Variants in DIP2C observed in about 807,000 individuals in gnomAD.
DIP2C encodes the protein DIP2 acetate--CoA ligase C (putative).
Under a neutral mutation model 192.4 loss-of-function variants are expected in DIP2C, and 33 were observed. That is an observed-to-expected ratio of 0.17 (90% CI 0.13 to 0.23). DIP2C has a LOEUF of 0.23. Among genes scored for constraint, DIP2C ranks in the 10% least tolerant of loss-of-function variants. The pLI is 1.00. For synonymous variants in DIP2C, 979 were observed against 864.1 expected (o/e 1.13, Z -2.33); for missense variants, 1,537 against 2,110.1 (o/e 0.73, Z 5.32).
chr10:368,642 C>T (rs1354214831), intron 18 of DIP2C, among the ~76,000 whole-genome samples: 4 of 152,222 alleles, frequency 2.6e-5, no homozygotes, highest in African/African-American at 9.6e-5. Context: ...AGGGGTCTGC[C>T]TCTGTGAGAC....
chr10:499,665 C>T (rs929758508), intron 1 of DIP2C, among the ~76,000 whole-genome samples: 2 of 152,142 alleles, frequency 1.3e-5, no homozygotes, highest in Non-Finnish European at 2.9e-5. Context: ...CTCCCAATCG[C>T]GAGGACAGCA....
At chr10:589,138 G>A (rs1478778914) in intron 1 of DIP2C, among the ~76,000 whole-genome samples, 2 of 152,148 alleles carry the variant, frequency 1.3e-5, no homozygotes, top group Non-Finnish European at 2.9e-5. Context: ...CCTTCTCGAT[G>A]GAGCACCTGT....
chr10:586,515 CCAGG>C (rs1851038181), intron 1 of DIP2C, among the ~76,000 whole-genome samples: 1 of 152,178 alleles, frequency 6.6e-6, no homozygotes, highest in Non-Finnish European at 1.5e-5. Context: ...GGTAAACCCT[CCAGG>C]CAAACTTTCT....
chr10:311,625 C>T, intron 31 of DIP2C: 2 of 1,193,458 alleles, frequency 1.7e-6, no homozygotes, highest in Admixed American at 4.2e-5. Flanking sequence ...CAACAGAAAC[C>T]AACACACACA....
chr10:369,534 G>C lies in DIP2C; in HGVS notation c.2091C>G (p.Ser697=). 6.3e-7 allele frequency: 1 copy of C among 1,580,578 alleles called. No homozygotes were observed. Among genetic ancestry groups the C allele is most frequent in the South Asian group, 1.2e-5 (1 of 84,666 alleles). ...VIRVDSEEKL[S]VLTVQDVGLV... Reference sequence around the variant, plus strand: ...GGCCGACATCCTGCACGGTGAGCACGGACAGCTTCTCTTCCGAGTCCACAC... The same window carrying C: ...GGCCGACATCCTGCACGGTGAGCACCGACAGCTTCTCTTCCGAGTCCACAC... The change falls in exon 18 of 37, where the codon TCC becomes TCG. Residue 697 remains serine (S), a synonymous_variant. Coordinates refer to ENST00000280886, the MANE Select transcript of DIP2C (RefSeq NM_014974.3).
At chr10:300,899 T>C (rs1404985837) in intron 32 of DIP2C, among the ~76,000 whole-genome samples, 2 of 152,126 alleles carry the variant, frequency 1.3e-5, no homozygotes, top group African/African-American at 2.4e-5. Flanking sequence ...GGCAACTCCT[T>C]CTCCACAGAA....
intron 1 of DIP2C, among the ~76,000 whole-genome samples, chr10:521,986 ACT>A (rs763659839): frequency 6.6e-6 from 1 of 150,904 alleles, no homozygotes; most frequent in Non-Finnish European, 1.5e-5. Flanking sequence ...GCTGCTGCTC[ACT>A]CTGTGGGTTT....
chr10:530,653 T>A (rs1227403372), intron 1 of DIP2C, among the ~76,000 whole-genome samples: 11 of 106,080 alleles, frequency 1.0e-4, no homozygotes, highest in South Asian at 7.1e-4. Context: ...CCCTATCTCT[T>A]AAAAAAAAAA....
intron 1 of DIP2C, among the ~76,000 whole-genome samples, chr10:562,452 T>C (rs1022876688): frequency 6.6e-6 from 1 of 152,238 alleles, no homozygotes; most frequent in African/African-American, 2.4e-5. Context: ...GTCTCCTTCA[T>C]TTGAATCATG....
chr10:569,970 C>G (rs1051898385), intron 1 of DIP2C, among the ~76,000 whole-genome samples: 3 of 152,190 alleles, frequency 2.0e-5, no homozygotes, highest in Admixed American at 2.0e-4. Flanking sequence ...CAGCCTTCCC[C>G]CATGTTTTAG....
intron 1 of DIP2C, among the ~76,000 whole-genome samples, chr10:543,702 G>C (rs112744088): frequency 6.6e-6 from 1 of 152,042 alleles, no homozygotes; most frequent in Non-Finnish European, 1.5e-5. Context: ...AGTCTCTTTC[G>C]CATTCTAAAT....
chr10:393,228 C>A (rs187731458), intron 10 of DIP2C, among the ~76,000 whole-genome samples: 2 of 152,334 alleles, frequency 1.3e-5, no homozygotes, highest in South Asian at 2.1e-4. Flanking sequence ...TTCGAAGACA[C>A]TTCTAGCGGC....
At chr10:475,033 G>A (rs749544969) in intron 2 of DIP2C, among the ~76,000 whole-genome samples, 15 of 152,238 alleles carry the variant, frequency 9.9e-5, no homozygotes, top group Non-Finnish European at 1.8e-4. Context: ...GGGCTGTTTC[G>A]TTTGCCCGAA....
chr10:537,875 C>T (rs553232396), intron 1 of DIP2C, among the ~76,000 whole-genome samples: 1 of 151,294 alleles, frequency 6.6e-6, no homozygotes. Flanking sequence ...CTGCAGCCTC[C>T]ACCTCCCAAG....
At chr10:606,036 G>A (rs1024298077) in intron 1 of DIP2C, among the ~76,000 whole-genome samples, 1 of 152,222 alleles carries the variant, frequency 6.6e-6, no homozygotes, top group Non-Finnish European at 1.5e-5. Flanking sequence ...GCCGGGGTCC[G>A]ACTGTGCAAG....
rs374363560 is a variant in DIP2C, at chr10:571,050, C to T, written c.86-84520G>A. Among the ~76,000 whole-genome samples the T allele has an allele frequency of 2.6e-4, 40 of 152,322 alleles. No homozygotes were observed. In the East Asian group the frequency reaches 2.7e-3, roughly 10 times the overall value. On this transcript the variant is annotated intron_variant, in intron 1 of 36. Transcript: ENST00000280886. ...CCACGCTGGACCGGCACTGGCCTAA[C>T]GACACGAGAGTGGTGCCCCCACAAT...
chr10:544,005 T>C (rs1485441085), intron 1 of DIP2C, among the ~76,000 whole-genome samples: 2 of 152,278 alleles, frequency 1.3e-5, no homozygotes, highest in Admixed American at 6.5e-5. Context: ...GGGCACATAG[T>C]GCGTGACCTT....
rs969734173 is a variant in DIP2C at position 666,109 on chromosome 10, T to C, written c.85+23385A>G. The C allele has an allele frequency of 6.6e-6, 1 of 152,010 alleles. No homozygotes were observed. The highest frequency in any genetic ancestry group is 1.5e-5 in the Non-Finnish European group (1 of 68,004). 9.4% of individuals were successfully genotyped at this position (152,010 alleles called of 1,614,324 possible). A position where few individuals can be genotyped will look rare whatever the true frequency, so the allele number is the denominator to read the frequency against. On this transcript the variant is annotated intron_variant, in intron 1 of 36. Transcript: ENST00000280886. The surrounding 1 kb of genome is among the most constrained non-coding windows in gnomAD (Gnocchi z 4.1). ...TGGAGGAACGAAGAGCAGCTGTGAGTTCGTGGGAAAGAAGGGCTATCTGGA... is the reference window on the plus strand; with the variant it reads ...TGGAGGAACGAAGAGCAGCTGTGAGCTCGTGGGAAAGAAGGGCTATCTGGA...
At chr10:340,122 A>G (rs1958070942) in intron 29 of DIP2C, among the ~76,000 whole-genome samples, 1 of 152,028 alleles carries the variant, frequency 6.6e-6, no homozygotes, top group Non-Finnish European at 1.5e-5. Flanking sequence ...CAGAGGTTGC[A>G]GTGAGCTGAG....
Sources: allele counts gnomAD v4.1 joint callset (sites outside exome capture counted in the v4.1 genomes callset), GRCh38; gene constraint gnomAD v4.1.1; non-coding constraint Gnocchi (gnomAD v3.1); transcripts MANE v1.5; gene names NCBI Gene and HGNC (gene_info 2026-07-23, HGNC 2026-07-21).